PALLD: variants seen among roughly 807,000 people sequenced by gnomAD.
PALLD encodes palladin, cytoskeletal associated protein, also known as palladin.
Under a neutral mutation model 123.5 loss-of-function variants are expected in PALLD, and 61 were observed. The ratio of observed to expected loss-of-function variants is 0.49; its 90% confidence interval spans 0.40 to 0.61. The LOEUF (loss-of-function observed/expected upper bound fraction) is 0.61. Among genes scored for constraint, PALLD ranks in the 20% least tolerant of loss-of-function variants. The pLI is 0.00. For missense variants in PALLD, 1,273 were observed against 1,377.0 expected, an observed-to-expected ratio of 0.92 and a Z score of 1.20; for synonymous variants, 465 against 496.4, an observed-to-expected ratio of 0.94 and a Z score of 0.84.
At chr4:168,805,440 C>G (rs1446429049) in intron 10 of PALLD, among the ~76,000 whole-genome samples, 1 of 151,918 alleles carries the variant, frequency 6.6e-6, no homozygotes, top group Non-Finnish European at 1.5e-5. Flanking sequence ...GAATTTTTTT[C>G]TCTCATTTAA....
chr4:168,694,782 A>T (rs939893354), intron 8 of PALLD, among the ~76,000 whole-genome samples: 1 of 152,244 alleles, frequency 6.6e-6, no homozygotes. Flanking sequence ...GTCTAGACAG[A>T]AGTCAGCTTG....
At chr4:168,675,452 G>T (rs1227661832) in intron 3 of PALLD, among the ~76,000 whole-genome samples, 1 of 152,212 alleles carries the variant, frequency 6.6e-6, no homozygotes, top group African/African-American at 2.4e-5. Context: ...AGCCCTTGGT[G>T]CTGGGACCAC....
chr4:168,749,367 A>G (rs1396149678), intron 10 of PALLD, among the ~76,000 whole-genome samples: 1 of 151,872 alleles, frequency 6.6e-6, no homozygotes, highest in Non-Finnish European at 1.5e-5. Context: ...AACACACTAC[A>G]TAATGTAACT....
intron 8 of PALLD, among the ~76,000 whole-genome samples, chr4:168,692,203 G>C (rs1018364090): frequency 6.6e-6 from 1 of 152,170 alleles, no homozygotes; most frequent in African/African-American, 2.4e-5. Context: ...GGCCACTGCA[G>C]GTCAGATTAC....
intron 8 of PALLD, among the ~76,000 whole-genome samples, chr4:168,708,614 CA>C (rs1252935000): frequency 6.6e-6 from 1 of 152,116 alleles, no homozygotes; most frequent in African/African-American, 2.4e-5. Context: ...TTATTTTCCC[CA>C]CTGCTTGGTT....
intron 8 of PALLD, among the ~76,000 whole-genome samples, chr4:168,698,220 G>A (rs1361964329): frequency 6.6e-6 from 1 of 152,148 alleles, no homozygotes; most frequent in Non-Finnish European, 1.5e-5. Context: ...GAGAGGCTGT[G>A]GGGGGAGATG....
intron 2 of PALLD, among the ~76,000 whole-genome samples, chr4:168,588,671 G>A (rs185704096): frequency 7.2e-4 from 109 of 152,232 alleles, no homozygotes; most frequent in African/African-American, 2.3e-3. Flanking sequence ...GCCTCCCAAA[G>A]TGCTGGGATT....
At position 168,670,747 on chromosome 4, in the gene PALLD, C is replaced by CA. The variant is rs1218643832; in HGVS notation, c.1087+2387dup. ...AGAGCGAGACTCCGTCTCAAAAAAA[C>CA]AAAAAAAACAAAAAAAACAAAAAAA... is the stretch of plus-strand genomic sequence containing the variant. On this transcript the variant is annotated intron_variant, in intron 3 of 21. Transcript: ENST00000505667. Among the ~76,000 whole-genome samples, 21 of 25,530 alleles carry CA rather than the reference C, an allele frequency of 8.2e-4. 1 individual carries two copies. Among genetic ancestry groups the CA allele is most frequent in the South Asian group, 3.6e-3 (3 of 838 alleles). The allele number at this position is 25,530 out of a possible 152,430, so 16.7% of individuals were successfully genotyped here. A position where few individuals can be genotyped will look rare whatever the true frequency, so the allele number is the denominator to read the frequency against.
chr4:168,686,733 ATTGT>A (rs1359646709), intron 6 of PALLD: 3 of 152,188 alleles, frequency 2.0e-5, no homozygotes, highest in South Asian at 4.1e-4. Context: ...CTGGTTTTTA[ATTGT>A]TTGTTTGATA....
intron 10 of PALLD, among the ~76,000 whole-genome samples, chr4:168,794,673 C>G (rs1738236503): frequency 6.6e-6 from 1 of 152,160 alleles, no homozygotes; most frequent in Admixed American, 6.5e-5. Flanking sequence ...TGGCTTAGCC[C>G]TTTCCTTCAG....
intron 10 of PALLD, among the ~76,000 whole-genome samples, chr4:168,853,706 C>T (rs1748149265): frequency 6.6e-6 from 1 of 152,104 alleles, no homozygotes; most frequent in Non-Finnish European, 1.5e-5. Flanking sequence ...CAGGGGGCGA[C>T]CAGGCCTGGT....
chr4:168,887,167 G>C (rs962436127), intron 10 of PALLD, among the ~76,000 whole-genome samples: 6 of 148,964 alleles, frequency 4.0e-5, no homozygotes, highest in African/African-American at 7.3e-5. Context: ...GTTTTTACTT[G>C]AGCCAAAGAC....
At chr4:168,696,182 A>G (rs1466429126) in intron 8 of PALLD, among the ~76,000 whole-genome samples, 2 of 152,154 alleles carry the variant, frequency 1.3e-5, no homozygotes, top group Non-Finnish European at 2.9e-5. Context: ...CTCAAGACAC[A>G]TTTGAGTACA....
chr4:168,734,752 T>C (rs1458473385), intron 10 of PALLD, among the ~76,000 whole-genome samples: 1 of 152,030 alleles, frequency 6.6e-6, no homozygotes, highest in African/African-American at 2.4e-5. Context: ...GCACTAAAAC[T>C]GAAAAGGAGA....
At chr4:168,577,866 AGAAGAG>A (rs1370478040) in intron 2 of PALLD, among the ~76,000 whole-genome samples, 1 of 152,068 alleles carries the variant, frequency 6.6e-6, no homozygotes, top group African/African-American at 2.4e-5. Context: ...AATGGGCAGC[AGAAGAG>A]GAAAAGAAAA....
intron 10 of PALLD, among the ~76,000 whole-genome samples, chr4:168,782,756 A>T (rs1259507441): frequency 6.6e-6 from 1 of 152,032 alleles, no homozygotes. Flanking sequence ...TAAAAAAAAA[A>T]ATAAAAAAAT....
At chr4:168,720,636 G>C (rs1785913504) in intron 10 of PALLD, among the ~76,000 whole-genome samples, 1 of 152,166 alleles carries the variant, frequency 6.6e-6, no homozygotes, top group African/African-American at 2.4e-5. Context: ...AATACAATGT[G>C]ATGATGACTT....
intron 18 of PALLD, 71 bp downstream of exon 18, chr4:168,921,812 C>T (rs1295799624): frequency 8.6e-7 from 1 of 1,164,892 alleles, no homozygotes; most frequent in Non-Finnish European, 1.3e-6. Flanking sequence ...ACTAATTCTA[C>T]ATTACTAACC....
intron 3 of PALLD, among the ~76,000 whole-genome samples, chr4:168,669,401 A>AAAAAC (rs969138125): frequency 2.0e-5 from 3 of 151,962 alleles, no homozygotes; most frequent in African/African-American, 4.8e-5. Flanking sequence ...CCCTGTCTCA[A>AAAAAC]AAAACAAAAC....
Sources: allele counts gnomAD v4.1 joint callset (sites outside exome capture counted in the v4.1 genomes callset), GRCh38; gene constraint gnomAD v4.1.1; transcripts MANE v1.5; gene names NCBI Gene and HGNC (gene_info 2026-07-23, HGNC 2026-07-21).